The following CMTM1 variants were observed in gnomAD, a reference collection of about 807,000 sequenced individuals.
The protein encoded by CMTM1 is CKLF-like MARVEL transmembrane domain-containing protein 1.
A neutral mutation model predicts 17.8 loss-of-function variants in CMTM1; 16 were observed. The observed-to-expected ratio is 0.90, with a 90% CI of 0.61 to 1.37. The LOEUF (loss-of-function observed/expected upper bound fraction) is 1.37. CMTM1 is among the 40% of genes most tolerant of loss of function. CMTM1 has a pLI of 0.00. For synonymous variants in CMTM1, 169 were observed against 154.6 expected, an observed-to-expected ratio of 1.09 and a Z score of -0.69; for missense variants, 354 against 375.6, an observed-to-expected ratio of 0.94 and a Z score of 0.47.
At chr16:66,571,790 G>C (rs1056384941) in intron 2 of CMTM1, among the ~76,000 whole-genome samples, 1 of 152,144 alleles carries the variant, frequency 6.6e-6, no homozygotes, top group Non-Finnish European at 1.5e-5. Context: ...ATGCAGGCTG[G>C]GTCCACACAT....
intron 2 of CMTM1, among the ~76,000 whole-genome samples, chr16:66,570,311 C>T (rs1481246169): frequency 6.6e-6 from 1 of 152,114 alleles, no homozygotes; most frequent in Non-Finnish European, 1.5e-5. Context: ...GTGTAAAACC[C>T]CTCATTATGG....
chr16:66,570,065 T>C lies in CMTM1; in HGVS notation c.562T>C (p.Leu188=). The C allele has an allele frequency of 6.6e-7, 1 of 1,514,626 alleles. No homozygotes were observed. The highest frequency in any genetic ancestry group is 9.0e-7 in the Non-Finnish European group (1 of 1,116,746). 93.8% of individuals were successfully genotyped at this position (1,514,626 alleles called of 1,614,324 possible). A position where few individuals can be genotyped will look rare whatever the true frequency, so the allele number is the denominator to read the frequency against. ...AATATATGTGCTAACCCTTCACCACTTGCTGACCTATTTACATTGGCCCTT... is the reference window on the plus strand; with the variant it reads ...AATATATGTGCTAACCCTTCACCACCTGCTGACCTATTTACATTGGCCCTT... ...ILIYVLTLHH[L]LTYLHWPLLD... is the part of the protein sequence containing the mutation. The change falls in exon 2 of 4, where the codon TTG becomes CTG. Residue 188 remains leucine, a synonymous_variant. Transcript: ENST00000379500.
At chr16:66,578,414 A>G (rs1172553894) in intron 3 of CMTM1, among the ~76,000 whole-genome samples, 1 of 152,062 alleles carries the variant, frequency 6.6e-6, no homozygotes, top group Non-Finnish European at 1.5e-5. Flanking sequence ...GCCACACCAG[A>G]TTCCTTAGAG....
At chr16:66,577,071 G>A in intron 2 of CMTM1, 33 bp from the exon 3 acceptor site, 1 of 1,578,452 alleles carries the variant, frequency 6.3e-7, no homozygotes, top group Non-Finnish European at 8.7e-7. Context: ...ATATTGTTGT[G>A]TAAACTTGAT....
intron 2 of CMTM1, chr16:66,574,837 A>G (rs2014030319): frequency 1.7e-6 from 1 of 571,916 alleles, no homozygotes; most frequent in African/African-American, 2.0e-5. Context: ...ACAGAGAGCA[A>G]TTTTTAAAAA....
chr16:66,576,251 A>G (rs2014223939), intron 2 of CMTM1, among the ~76,000 whole-genome samples: 1 of 152,198 alleles, frequency 6.6e-6, no homozygotes, highest in African/African-American at 2.4e-5. Flanking sequence ...TACAAAAATT[A>G]GCTGGGTGTG....
chr16:66,575,888 T>C (rs115392450), intron 2 of CMTM1, among the ~76,000 whole-genome samples: 228 of 152,362 alleles, frequency 1.5e-3, no homozygotes, highest in African/African-American at 5.3e-3. Flanking sequence ...AGACTTGAGC[T>C]ATTCAGATTA....
chr16:66,566,567 G>C lies in CMTM1; in HGVS notation c.54G>C (p.Leu18Phe). The change falls in exon 1 of 4, where the codon TTG becomes TTC. Residue 18 changes from leucine (L) to phenylalanine (F), a missense_variant. Coordinates refer to ENST00000379500, the MANE Select transcript of CMTM1 (RefSeq NM_052999.4). The surrounding 1 kb of genome is among the most constrained non-coding windows in gnomAD (Gnocchi z 4.9). ...PESSEAPSGN[L>F]KQPETAAALA... ...CATCCGAGGCACCTTCAGGGAACTT[G>C]AAACAACCGGAGACTGCCGCAGCCC... 1 of 1,613,972 alleles carries C rather than the reference G, an allele frequency of 6.2e-7. No individual in the cohort carries two copies. Among genetic ancestry groups the C allele is most frequent in the Non-Finnish European group, 8.5e-7 (1 of 1,179,976 alleles).
Position 66,577,195 on chromosome 16 carries a change from TC to T in CMTM1, c.684del (p.Ser231ProfsTer7). 1 of 1,613,602 alleles carries T rather than the reference TC, an allele frequency of 6.2e-7. No homozygotes were observed. Among genetic ancestry groups the T allele is most frequent in the Non-Finnish European group, 8.5e-7 (1 of 1,179,750 alleles). ...AAGAAAAGAAGGCATTTACTCTATG[TC>T]GGGGGGGTAAGTAGAGGCCTTCATG... ...QEKKRRHLLYVGGSLCLTAVI... is the reference protein window; with the variant it reads ...QEKKRRHLLYXGGSLCLTAVI... On this transcript the variant is annotated frameshift_variant, in exon 3 of 4. Coordinates refer to ENST00000379500, the MANE Select transcript of CMTM1 (RefSeq NM_052999.4). LOFTEE classifies it low-confidence loss of function (END_TRUNC).
At chr16:66,577,435 C>T (rs2014382516) in intron 3 of CMTM1, among the ~76,000 whole-genome samples, 1 of 152,126 alleles carries the variant, frequency 6.6e-6, no homozygotes, top group African/African-American at 2.4e-5. Context: ...CTGCTAAACC[C>T]CTTTTGAGAA....
Position 66,577,219 on chromosome 16 carries a change from A to AT in CMTM1, c.690+18dup. 6.3e-7 allele frequency: 1 copy of AT among 1,593,818 alleles called. No homozygotes were observed. ...GTCGGGGGGGTAAGTAGAGGCCTTC[A>AT]TGACTCCATTTAAGATCAGTATTCC... On this transcript the variant is annotated intron_variant, in intron 3 of 3. Coordinates refer to ENST00000379500, the MANE Select transcript of CMTM1 (RefSeq NM_052999.4).
intron 1 of CMTM1, chr16:66,567,146 T>A: frequency 1.6e-6 from 1 of 626,254 alleles, no homozygotes; most frequent in South Asian, 1.8e-5. Context: ...TTTTTTTCCC[T>A]ATTTTTTCTT....
At chr16:66,574,645 A>C (rs2014001725) in intron 2 of CMTM1, among the ~76,000 whole-genome samples, 2 of 152,240 alleles carry the variant, frequency 1.3e-5, no homozygotes, top group Admixed American at 6.5e-5. Flanking sequence ...GTAAACTATA[A>C]TGTCCATAGT....
chr16:66,567,212 T>A, intron 1 of CMTM1: 1 of 551,318 alleles, frequency 1.8e-6, no homozygotes, highest in Non-Finnish European at 3.2e-6. Flanking sequence ...GAACGTGCAG[T>A]TTTGTTACAT....
intron 1 of CMTM1, chr16:66,567,352 T>C (rs770996519): frequency 1.2e-4 from 38 of 306,438 alleles, no homozygotes; most frequent in Non-Finnish European, 2.3e-4. Flanking sequence ...TTCCCCTCCC[T>C]GTGTCCATGT....
At chr16:66,572,490 A>G (rs1031095776) in intron 2 of CMTM1, among the ~76,000 whole-genome samples, 2 of 152,178 alleles carry the variant, frequency 1.3e-5, no homozygotes, top group Non-Finnish European at 2.9e-5. Context: ...TTGTGAGGGT[A>G]TTGGTGCTAG....
At chr16:66,568,149 G>A (rs1597151188) in intron 1 of CMTM1, among the ~76,000 whole-genome samples, 3 of 152,218 alleles carry the variant, frequency 2.0e-5, no homozygotes, top group East Asian at 1.9e-4. Flanking sequence ...AAAAGAAAAC[G>A]AAGTAGAGAT....
intron 2 of CMTM1, among the ~76,000 whole-genome samples, chr16:66,570,339 T>C (rs2013318737): frequency 6.6e-6 from 1 of 152,182 alleles, no homozygotes; most frequent in South Asian, 2.1e-4. Context: ...CACATGGTAC[T>C]TTTCAGCTTG....
At chr16:66,574,013 T>C (rs1187631257) in intron 2 of CMTM1, among the ~76,000 whole-genome samples, 1 of 151,372 alleles carries the variant, frequency 6.6e-6, no homozygotes, top group Non-Finnish European at 1.5e-5. Context: ...TAATATTCAG[T>C]GTTTTTTTTT....
Sources: gnomAD v4.1 joint callset for allele counts (sites outside exome capture counted in the v4.1 genomes callset) on GRCh38, gnomAD v4.1.1 for gene constraint, Gnocchi (gnomAD v3.1) non-coding constraint, MANE v1.5 for transcripts, NCBI Gene and HGNC (gene_info 2026-07-23, HGNC 2026-07-21) for gene names.